PLA2G7: variants seen among roughly 807,000 people sequenced by gnomAD.
PLA2G7 encodes the protein phospholipase A2 group VII.
PLA2G7 carries 63 observed loss-of-function variants against 49.6 expected under a neutral mutation model. The ratio of observed to expected loss-of-function variants is 1.27; its 90% CI spans 1.04 to 1.57. PLA2G7 has a LOEUF of 1.57. Among genes scored for constraint, PLA2G7 ranks in the 40% most tolerant of loss-of-function variants. The pLI is 0.00. For missense variants in PLA2G7, 596 were observed against 521.2 expected (o/e 1.14, Z -1.40); for synonymous variants, 193 against 169.9 (o/e 1.14, Z -1.06).
intron 1 of PLA2G7, among the ~76,000 whole-genome samples, chr6:46,732,938 C>T (rs1765781387): frequency 6.6e-6 from 1 of 152,154 alleles, no homozygotes. Context: ...AATTTCTCAA[C>T]ATCTTGAGAC....
intron 1 of PLA2G7, among the ~76,000 whole-genome samples, chr6:46,728,652 A>T (rs1209227694): frequency 6.6e-6 from 1 of 152,220 alleles, no homozygotes; most frequent in Non-Finnish European, 1.5e-5. Flanking sequence ...CATAAAAGGT[A>T]AAAGTTGTCT....
chr6:46,726,014 T>A (rs1157839459), intron 1 of PLA2G7, among the ~76,000 whole-genome samples: 1 of 152,246 alleles, frequency 6.6e-6, no homozygotes, highest in East Asian at 1.9e-4. Context: ...TGTAGAAATA[T>A]GACTGGACAG....
rs991663111 is a variant in PLA2G7 at position 46,735,366 on chromosome 6, C to G, written c.-221G>C. The G allele has an allele frequency of 1.3e-5, 2 of 152,700 alleles. No homozygotes were observed. The highest frequency in any genetic ancestry group is 2.9e-5 in the Non-Finnish European group (2 of 68,386). 9.5% of individuals were successfully genotyped at this position (152,700 alleles called of 1,614,324 possible). ...GCAGGCGGCGGGCGGGTGGGCTGCG[C>G]GCGGGCTGTGTCCTGGGTCCGCCTA... On this transcript the variant is annotated 5_prime_UTR_variant, in exon 1 of 12. Coordinates refer to ENST00000274793, the MANE Select transcript of PLA2G7 (RefSeq NM_005084.4).
rs1765014285 is a variant in PLA2G7, at chr6:46,711,391, A to G, written c.663+105T>C. 84 of 1,225,426 alleles carry G rather than the reference A, an allele frequency of 6.9e-5. 2 individuals carry two copies. In the South Asian group the frequency reaches 9.6e-4, roughly 14 times the overall value. 75.9% of individuals were successfully genotyped at this position (1,225,426 alleles called of 1,614,324 possible). A position where few individuals can be genotyped will look rare whatever the true frequency, so the allele number is the denominator to read the frequency against. ...AGATCTTTTGGGAATGGGAAATAGG[A>G]GAGCTAGGAGCATAACTTGCCAGGT... On this transcript the variant is annotated intron_variant, in intron 7 of 11. Transcript: ENST00000274793.
At chr6:46,715,043 T>C (rs1163411447) in intron 4 of PLA2G7, among the ~76,000 whole-genome samples, 2 of 152,132 alleles carry the variant, frequency 1.3e-5, no homozygotes, top group East Asian at 3.9e-4. Flanking sequence ...CGTAAGTTCT[T>C]TCCTCAGACC....
intron 1 of PLA2G7, among the ~76,000 whole-genome samples, chr6:46,724,486 G>C (rs752732741): frequency 6.6e-6 from 1 of 152,282 alleles, no homozygotes; most frequent in South Asian, 2.1e-4. Context: ...GCTATTTTGC[G>C]GGAAGATGTA....
At chr6:46,723,963 A>T (rs1413638324) in intron 1 of PLA2G7, among the ~76,000 whole-genome samples, 1 of 152,022 alleles carries the variant, frequency 6.6e-6, no homozygotes, top group African/African-American at 2.4e-5. Context: ...TTTGCCATTC[A>T]CCAAACATGC....
At position 46,712,250 on chromosome 6, in the gene PLA2G7, A is replaced by G. The variant is rs756959481; in HGVS notation, c.539+19T>C. 1.4e-5 allele frequency: 22 copies of G among 1,562,804 alleles called. No individual in the cohort carries two copies. Among genetic ancestry groups the G allele is most frequent in the African/African-American group, 2.7e-5 (2 of 73,866 alleles). On this transcript the variant is annotated intron_variant, in intron 6 of 11. Coordinates refer to ENST00000274793, the MANE Select transcript of PLA2G7 (RefSeq NM_005084.4). ...TCCCTGTAGTTGGCCAAAGAGCCCA[A>G]TTATATCAGGTAACATACCTGTGTT...
intron 2 of PLA2G7, among the ~76,000 whole-genome samples, chr6:46,720,862 A>T (rs972690191): frequency 6.6e-6 from 1 of 152,200 alleles, no homozygotes; most frequent in Admixed American, 6.5e-5. Flanking sequence ...TTACACTCTT[A>T]TATGGCTTTA....
rs745617098 is a variant in PLA2G7, at chr6:46,712,255, A to T, written c.539+14T>A. Reference sequence around the variant, plus strand: ...GTAGTTGGCCAAAGAGCCCAATTATATCAGGTAACATACCTGTGTTCTACA... The same window carrying T: ...GTAGTTGGCCAAAGAGCCCAATTATTTCAGGTAACATACCTGTGTTCTACA... On this transcript the variant is annotated intron_variant, in intron 6 of 11. Coordinates refer to ENST00000274793, the MANE Select transcript of PLA2G7 (RefSeq NM_005084.4). 28 of 1,571,120 alleles carry T rather than the reference A, an allele frequency of 1.8e-5. 1 individual carries two copies. In the South Asian group the frequency reaches 2.5e-4, roughly 14 times the overall value.
chr6:46,704,741 CATTAAACAGTTTGGTGCCCCTAGGTGGCA>C, intron 11 of PLA2G7, 45 bp from the exon 12 acceptor site: 1 of 1,273,862 alleles, frequency 7.9e-7, no homozygotes, highest in Non-Finnish European at 1.1e-6. Flanking sequence ...CTTTTGAGAG[CATTAAACAGTTTGGTGCCCCTAGGTGGCA>C]ATAAAGATTT....
In PLA2G7 at chr6:46,718,158, G is replaced by A. The variant is rs149614961; in HGVS notation, c.110-1062C>T. 3.2e-4 allele frequency among the ~76,000 whole-genome samples: 48 copies of A among 152,270 alleles called. No homozygotes were observed. In the East Asian group the frequency reaches 6.6e-3, roughly 21 times the overall value. ...TCTCTCTCCTAACTGTTCTACCCAC[G>A]TTGGATCTTGACCCCTTCAAATGCA... On this transcript the variant is annotated intron_variant, in intron 2 of 11. Coordinates refer to ENST00000274793, the MANE Select transcript of PLA2G7 (RefSeq NM_005084.4).
intron 5 of PLA2G7, among the ~76,000 whole-genome samples, chr6:46,713,129 A>C (rs960219470): frequency 1.3e-5 from 2 of 152,264 alleles, no homozygotes; most frequent in African/African-American, 4.8e-5. Context: ...TGGGTGAAAT[A>C]GTTGAAAAAT....
chr6:46,705,171 A>G lies in PLA2G7; in HGVS notation c.1171T>C (p.Phe391Leu). 3.1e-6 allele frequency: 5 copies of G among 1,609,390 alleles called. No homozygotes were observed. In the Middle Eastern group the frequency reaches 5.0e-4, roughly 161 times the overall value. The change falls in exon 11 of 12, where the codon TTC becomes CTC. Residue 391 changes from phenylalanine (F) to leucine (L), a missense_variant. Phe to Leu is a conservative substitution (Grantham distance 22). Coordinates refer to ENST00000274793, the MANE Select transcript of PLA2G7 (RefSeq NM_005084.4). ...TTCTTACCTAAATGCTTTTGTAAGA[A>G]TGCTAATGAAGCTTTGTTGCTAAGA... is the stretch of plus-strand genomic sequence containing the variant. ...IDLSNKASLA[F>L]LQKHLGLHKD...
rs370682458 is a variant in PLA2G7 at position 46,704,546 on chromosome 6, A to T, written c.*14T>A. 1.3e-6 allele frequency: 2 copies of T among 1,514,704 alleles called. No homozygotes were observed. The highest frequency in any genetic ancestry group is 2.7e-5 in the African/African-American group (2 of 72,838). 93.8% of individuals were successfully genotyped at this position (1,514,704 alleles called of 1,614,324 possible). On this transcript the variant is annotated 3_prime_UTR_variant, in exon 12 of 12. Transcript: ENST00000274793. ...CAGTTTTGAAACAAGACTTTTAAAAAACCTATTTTAATCCTAATTGTATTT... is the reference window on the plus strand; with the variant it reads ...CAGTTTTGAAACAAGACTTTTAAAATACCTATTTTAATCCTAATTGTATTT...
intron 1 of PLA2G7, among the ~76,000 whole-genome samples, chr6:46,732,034 C>G (rs910007658): frequency 6.6e-6 from 1 of 152,280 alleles, no homozygotes; most frequent in African/African-American, 2.4e-5. Context: ...CACATCTCTG[C>G]TTCAAACTCT....
At chr6:46,728,343 G>C (rs45614039) in intron 1 of PLA2G7, among the ~76,000 whole-genome samples, 1 of 152,182 alleles carries the variant, frequency 6.6e-6, no homozygotes. Context: ...GTGAGTAGCA[G>C]TCAGGGATGC....
intron 1 of PLA2G7, among the ~76,000 whole-genome samples, chr6:46,734,613 G>A (rs1005502663): frequency 2.0e-5 from 3 of 151,974 alleles, no homozygotes; most frequent in Non-Finnish European, 4.4e-5. Flanking sequence ...ACGAGGTCAG[G>A]AGATCGAGAC....
At chr6:46,722,229 T>C (rs1765422359) in intron 2 of PLA2G7, among the ~76,000 whole-genome samples, 1 of 152,210 alleles carries the variant, frequency 6.6e-6, no homozygotes, top group East Asian at 1.9e-4. Flanking sequence ...CATTCTCATC[T>C]GGAACTCCCT....
Sources: allele counts gnomAD v4.1 joint callset (sites outside exome capture counted in the v4.1 genomes callset), GRCh38; gene constraint gnomAD v4.1.1; transcripts MANE v1.5; gene names NCBI Gene and HGNC (gene_info 2026-07-23, HGNC 2026-07-21).